Variants in RAD51B observed in about 807,000 individuals in gnomAD.
The protein encoded by RAD51B is DNA repair protein RAD51 homolog 2.
Under a neutral mutation model 42.2 loss-of-function variants are expected in RAD51B, and 38 were observed. The ratio of observed to expected loss-of-function variants is 0.90; its 90% CI spans 0.70 to 1.18. The LOEUF is 1.18. Ranked by LOEUF, RAD51B falls within the 50% of genes most tolerant of loss-of-function variation. The pLI, the probability that RAD51B is intolerant of heterozygous loss-of-function variation, is 0.00. For synonymous variants in RAD51B, 154 were observed against 145.2 expected, an observed-to-expected ratio of 1.06 and a Z score of -0.43; for missense variants, 373 against 400.7, an observed-to-expected ratio of 0.93 and a Z score of 0.59.
At chr14:68,211,262 C>G (rs2079699384) in intron 7 of RAD51B, among the ~76,000 whole-genome samples, 1 of 152,164 alleles carries the variant, frequency 6.6e-6, no homozygotes, top group Non-Finnish European at 1.5e-5. Flanking sequence ...GAATATAAGG[C>G]TACTTCCACT....
intron 7 of RAD51B, among the ~76,000 whole-genome samples, chr14:68,033,608 G>A (rs747801425): frequency 6.6e-6 from 1 of 152,120 alleles, no homozygotes; most frequent in Non-Finnish European, 1.5e-5. Context: ...GAAAGATAAC[G>A]AAACTCACTG....
intron 7 of RAD51B, among the ~76,000 whole-genome samples, chr14:68,278,967 A>T (rs1331605665): frequency 2.0e-5 from 3 of 151,836 alleles, no homozygotes; most frequent in Non-Finnish European, 1.5e-5. Context: ...ACAAATGACC[A>T]TTTCATGAGG....
intron 7 of RAD51B, among the ~76,000 whole-genome samples, chr14:68,190,697 C>G (rs930355679): frequency 6.6e-6 from 1 of 152,052 alleles, no homozygotes; most frequent in African/African-American, 2.4e-5. Flanking sequence ...ATGAAAAGTT[C>G]AGATTAAAAT....
chr14:68,258,244 G>C (rs2080796323), intron 7 of RAD51B, among the ~76,000 whole-genome samples: 1 of 152,054 alleles, frequency 6.6e-6, no homozygotes, highest in African/African-American at 2.4e-5. Context: ...ACCACGAACA[G>C]TAAAACATTA....
In RAD51B at chr14:68,488,312, AG is replaced by A. The variant is rs528066258; in HGVS notation, c.1036+20065del. On this transcript the variant is annotated intron_variant, in intron 10 of 10. Coordinates refer to the RAD51B transcript ENST00000487270. The stretch of plus-strand genomic sequence containing the variant: ...GCCAGGTGCAATAATAGGCAGTTGT[AG>A]GGACTGACAGATTAGAGAGAGCCTA... Among the ~76,000 whole-genome samples, 12 of 150,116 alleles carry A rather than the reference AG, an allele frequency of 8.0e-5. No homozygotes were observed. The South Asian group carries it at 2.5e-3, about 31-fold the overall frequency.
chr14:68,668,143 C>A (rs1387631852), intron 11 of RAD51B, among the ~76,000 whole-genome samples: 2 of 152,194 alleles, frequency 1.3e-5, no homozygotes, highest in African/African-American at 4.8e-5. Context: ...TTCTTCTCCC[C>A]AGTTACCTGC....
chr14:68,481,309 C>T (rs1480621921), downstream of RAD51B, among the ~76,000 whole-genome samples: 1 of 152,072 alleles, frequency 6.6e-6, no homozygotes, highest in Non-Finnish European at 1.5e-5. Context: ...ATTGTTCACA[C>T]ATTAAAATGG....
chr14:68,004,989 A>G (rs1191523906), intron 7 of RAD51B, among the ~76,000 whole-genome samples: 3 of 151,022 alleles, frequency 2.0e-5, no homozygotes, highest in Non-Finnish European at 2.9e-5. Context: ...TATTCATACA[A>G]TAGAACATAT....
intron 11 of RAD51B, chr14:68,683,003 C>G (rs1893468845): frequency 1.0e-6 from 1 of 979,200 alleles, no homozygotes; most frequent in East Asian, 6.9e-5. Context: ...AGTCACGCAG[C>G]AGCATATCCT....
intron 11 of RAD51B, among the ~76,000 whole-genome samples, chr14:68,676,093 T>A (rs144775739): frequency 6.6e-6 from 1 of 152,364 alleles, no homozygotes; most frequent in African/African-American, 2.4e-5. Context: ...CAGGCACTGG[T>A]TTAAGCATTT....
At chr14:68,102,427 G>A (rs1005571691) in intron 7 of RAD51B, among the ~76,000 whole-genome samples, 21 of 152,026 alleles carry the variant, frequency 1.4e-4, no homozygotes, top group African/African-American at 4.8e-4. Context: ...TCAAGTTCAG[G>A]GTTCCCCAGA....
At chr14:68,040,941 T>TG (rs888104670) in intron 7 of RAD51B, among the ~76,000 whole-genome samples, 7 of 152,170 alleles carry the variant, frequency 4.6e-5, no homozygotes, top group Non-Finnish European at 1.0e-4. Flanking sequence ...AGAAGATGGG[T>TG]GACTGGGTCA....
chr14:68,510,899 G>A (rs1470603062), intron 10 of RAD51B, among the ~76,000 whole-genome samples: 1 of 152,234 alleles, frequency 6.6e-6, no homozygotes, highest in Non-Finnish European at 1.5e-5. Context: ...TGGCTTCCTT[G>A]AGGGAAAAGG....
intron 9 of RAD51B, among the ~76,000 whole-genome samples, chr14:68,457,165 G>A (rs756313819): frequency 3.4e-4 from 51 of 151,828 alleles, no homozygotes; most frequent in Admixed American, 1.1e-3. Context: ...TGCTCACCTC[G>A]GCCTCCCAAA....
intron 7 of RAD51B, among the ~76,000 whole-genome samples, chr14:68,004,226 G>A (rs1444554218): frequency 2.6e-5 from 4 of 151,294 alleles, no homozygotes; most frequent in African/African-American, 9.7e-5. Flanking sequence ...CCAGCTACTC[G>A]GGACGCTGAG....
chr14:67,852,924 A>G (rs534024720), intron 4 of RAD51B, among the ~76,000 whole-genome samples: 5 of 152,306 alleles, frequency 3.3e-5, no homozygotes, highest in African/African-American at 1.2e-4. Flanking sequence ...CATGATTATT[A>G]TATGTTATAT....
intron 7 of RAD51B, among the ~76,000 whole-genome samples, chr14:67,994,459 T>C (rs2075348732): frequency 6.6e-6 from 1 of 152,208 alleles, no homozygotes. Flanking sequence ...TTACTATGTT[T>C]CATATTAAGA....
intron 10 of RAD51B, among the ~76,000 whole-genome samples, chr14:68,640,343 G>A (rs1219907197): frequency 5.9e-5 from 9 of 152,170 alleles, no homozygotes; most frequent in Non-Finnish European, 1.5e-5. Context: ...TAATCTCTGG[G>A]AGCCTTGGTT....
At chr14:68,473,609 G>GA (rs200362055) in intron 10 of RAD51B, among the ~76,000 whole-genome samples, 1 of 151,468 alleles carries the variant, frequency 6.6e-6, no homozygotes, top group Non-Finnish European at 1.5e-5. Flanking sequence ...TATAATATAT[G>GA]AAAAAAAATT....
Sources: allele counts gnomAD v4.1 joint callset (sites outside exome capture counted in the v4.1 genomes callset), GRCh38; gene constraint gnomAD v4.1.1; transcripts MANE v1.5; gene names NCBI Gene and HGNC (gene_info 2026-07-23, HGNC 2026-07-21).